DLG2: variants seen among roughly 807,000 people sequenced by gnomAD.
DLG2 encodes discs large MAGUK scaffold protein 2, also known as disks large homolog 2.
A neutral mutation model predicts 132.5 loss-of-function variants in DLG2; 45 were observed. The ratio of observed to expected loss-of-function variants is 0.34; its 90% CI spans 0.27 to 0.44. The LOEUF (loss-of-function observed/expected upper bound fraction) is 0.44, where lower values mean the gene tolerates loss of function less well. Ranked by LOEUF, DLG2 falls within the 20% of genes least tolerant of loss-of-function variation. The pLI, the probability that DLG2 is intolerant of heterozygous loss-of-function variation, is 1.00. For synonymous variants in DLG2, 424 were observed against 419.6 expected (o/e 1.01, Z -0.13); for missense variants, 1,045 against 1,196.9 (o/e 0.87, Z 1.87).
intron 6 of DLG2, among the ~76,000 whole-genome samples, chr11:84,564,741 T>C (rs1474500076): frequency 2.0e-5 from 3 of 152,166 alleles, no homozygotes; most frequent in African/African-American, 7.2e-5. Context: ...CCTAAGAGTA[T>C]GATTCAGTGA....
At chr11:83,646,189 T>C (rs1275958594) in intron 18 of DLG2, among the ~76,000 whole-genome samples, 1 of 152,152 alleles carries the variant, frequency 6.6e-6, no homozygotes, top group Non-Finnish European at 1.5e-5. Context: ...CGCAAGAGGA[T>C]GTGAAAAGAA....
intron 7 of DLG2, among the ~76,000 whole-genome samples, chr11:84,391,516 T>C (rs991667427): frequency 2.0e-5 from 3 of 152,176 alleles, no homozygotes; most frequent in Non-Finnish European, 2.9e-5. Context: ...CATTTCAATA[T>C]TAAGTATCAA....
At chr11:84,350,721 T>A (rs945763038) in intron 7 of DLG2, among the ~76,000 whole-genome samples, 13 of 152,254 alleles carry the variant, frequency 8.5e-5, no homozygotes, top group African/African-American at 3.1e-4. Flanking sequence ...GCTCTACTTA[T>A]AACCTGCCAT....
At chr11:84,980,139 G>A (rs890058216) in intron 6 of DLG2, among the ~76,000 whole-genome samples, 1 of 152,182 alleles carries the variant, frequency 6.6e-6, no homozygotes, top group South Asian at 2.1e-4. Flanking sequence ...ATCGTGTCAA[G>A]TAGTCAGTTG....
chr11:84,392,488 T>G (rs1322635807), intron 7 of DLG2, among the ~76,000 whole-genome samples: 1 of 152,206 alleles, frequency 6.6e-6, no homozygotes, highest in African/African-American at 2.4e-5. Context: ...AGGTTGGCCA[T>G]ATTATATTTT....
At chr11:83,609,725 T>C (rs1398126018) in intron 19 of DLG2, among the ~76,000 whole-genome samples, 4 of 152,106 alleles carry the variant, frequency 2.6e-5, no homozygotes, top group Non-Finnish European at 5.9e-5. Flanking sequence ...TGACATATAA[T>C]CCCTTTCTAT....
At chr11:84,983,160 T>C (rs1359654246) in intron 6 of DLG2, among the ~76,000 whole-genome samples, 1 of 152,148 alleles carries the variant, frequency 6.6e-6, no homozygotes, top group East Asian at 1.9e-4. Context: ...TTGTGAACTT[T>C]TGTTCCAAAA....
chr11:84,708,367 A>C (rs2059997069), intron 6 of DLG2, among the ~76,000 whole-genome samples: 1 of 151,868 alleles, frequency 6.6e-6, no homozygotes, highest in African/African-American at 2.4e-5. Flanking sequence ...AATCATTACA[A>C]AGAGATAAGT....
intron 7 of DLG2, among the ~76,000 whole-genome samples, chr11:84,416,747 T>C (rs1002344770): frequency 6.6e-6 from 1 of 152,200 alleles, no homozygotes; most frequent in Non-Finnish European, 1.5e-5. Context: ...AATGAGATAA[T>C]ATAAAGCATT....
intron 6 of DLG2, among the ~76,000 whole-genome samples, chr11:85,104,353 T>C (rs183436110): frequency 6.6e-6 from 1 of 152,028 alleles, no homozygotes; most frequent in Admixed American, 6.6e-5. Context: ...TATGGTATAC[T>C]CATACAATGA....
chr11:83,724,982 C>T (rs1266702464), intron 18 of DLG2: 7 of 697,990 alleles, frequency 1.0e-5, no homozygotes, highest in Non-Finnish European at 1.8e-5. Context: ...GCACACACCT[C>T]CTGACGCTCT....
At chr11:83,750,622 C>A (rs1477641159) in intron 18 of DLG2, among the ~76,000 whole-genome samples, 3 of 152,038 alleles carry the variant, frequency 2.0e-5, no homozygotes, top group Admixed American at 2.0e-4. Context: ...GGTTCCATGA[C>A]ATTATAGATA....
At chr11:83,912,249 T>C (rs1408682511) in intron 15 of DLG2, among the ~76,000 whole-genome samples, 3 of 152,146 alleles carry the variant, frequency 2.0e-5, no homozygotes, top group South Asian at 2.1e-4. Flanking sequence ...AGTAACATTA[T>C]TGATGACGAC....
At chr11:85,308,795 G>T (rs1395546420) in intron 3 of DLG2, among the ~76,000 whole-genome samples, 1 of 151,968 alleles carries the variant, frequency 6.6e-6, no homozygotes, top group African/African-American at 2.4e-5. Context: ...AATAATGTTA[G>T]CTAGCATTTA....
chr11:84,340,595 A>G (rs2098510073), intron 7 of DLG2, among the ~76,000 whole-genome samples: 1 of 152,202 alleles, frequency 6.6e-6, no homozygotes, highest in Non-Finnish European at 1.5e-5. Context: ...GTAAGGGCAC[A>G]GGCTCAAAGA....
chr11:85,399,305 T>C (rs286031), intron 3 of DLG2, among the ~76,000 whole-genome samples: 124,767 of 151,918 alleles, frequency 0.82, 51,545 homozygotes, highest in Middle Eastern at 0.89. Flanking sequence ...GAAAGAACAT[T>C]CCATGCTCAT....
intron 6 of DLG2, among the ~76,000 whole-genome samples, chr11:84,742,004 C>T (rs994007572): frequency 6.6e-6 from 1 of 151,910 alleles, no homozygotes; most frequent in East Asian, 1.9e-4. Context: ...AATTCTATAA[C>T]TGAAGAATTC....
intron 18 of DLG2, among the ~76,000 whole-genome samples, chr11:83,706,600 G>T (rs1344814437): frequency 6.6e-6 from 1 of 152,196 alleles, no homozygotes; most frequent in Non-Finnish European, 1.5e-5. Context: ...GAAAGAGGAA[G>T]CAGGGAAACC....
At chr11:83,772,989 A>G (rs1411827207) in intron 18 of DLG2, among the ~76,000 whole-genome samples, 2 of 152,240 alleles carry the variant, frequency 1.3e-5, no homozygotes, top group African/African-American at 2.4e-5. Context: ...TGTTAGCATT[A>G]AAAATAAAGT....
Sources: gnomAD v4.1 joint callset for allele counts (sites outside exome capture counted in the v4.1 genomes callset) on GRCh38, gnomAD v4.1.1 for gene constraint, MANE v1.5 for transcripts, NCBI Gene and HGNC (gene_info 2026-07-23, HGNC 2026-07-21) for gene names.